MBP: variants seen among roughly 807,000 people sequenced by gnomAD.
The protein encoded by MBP is myelin basic protein, also known as Golli-MBP.
A neutral mutation model predicts 35.8 loss-of-function variants in MBP; 16 were observed. That is an observed-to-expected ratio of 0.45 (90% CI 0.30 to 0.68). The LOEUF (loss-of-function observed/expected upper bound fraction) is 0.68, where lower values mean the gene tolerates loss of function less well. MBP is among the 30% of genes least tolerant of loss of function. The pLI, the probability that MBP is intolerant of heterozygous loss-of-function variation, is 0.08. For missense variants in MBP, 380 were observed against 404.7 expected (o/e 0.94, Z 0.52); for synonymous variants, 143 against 159.6 (o/e 0.90, Z 0.78).
At position 77,105,129 on chromosome 18, in the gene MBP, C is replaced by G. The variant is rs561419994; in HGVS notation, c.51+82G>C. On this transcript the variant is annotated intron_variant, in intron 2 of 8. Coordinates refer to ENST00000355994, the MANE Select transcript of MBP (RefSeq NM_001025101.2). ...AAGAGTGTAGCAGCAAGAGCCCATG[C>G]CCGTAGCCTCTGACACACCAAGGGG... The G allele has an allele frequency of 1.1e-4, 148 of 1,323,878 alleles. 2 individuals carry two copies. The South Asian group carries it at 1.6e-3, about 15-fold the overall frequency. 82.0% of individuals were successfully genotyped at this position (1,323,878 alleles called of 1,614,324 possible).
chr18:77,105,060 T>C, intron 2 of MBP, 151 bp downstream of exon 2: 1 of 358,318 alleles, frequency 2.8e-6, no homozygotes, highest in Non-Finnish European at 5.3e-6. Flanking sequence ...AATTAATTAT[T>C]AATAATAATT....
chr18:77,071,276 G>T (rs1974436916), intron 2 of MBP, among the ~76,000 whole-genome samples: 1 of 152,178 alleles, frequency 6.6e-6, no homozygotes, highest in East Asian at 1.9e-4. Flanking sequence ...CCAGTTGTAT[G>T]TTAGACTCGG....
At chr18:77,070,698 G>A (rs1035276054) in intron 2 of MBP, among the ~76,000 whole-genome samples, 1 of 152,154 alleles carries the variant, frequency 6.6e-6, no homozygotes, top group Non-Finnish European at 1.5e-5. Flanking sequence ...GGCCCTGCAC[G>A]GGGCTCTGGG....
At chr18:76,986,647 C>G (rs890211658) in intron 7 of MBP, 2 of 985,436 alleles carry the variant, frequency 2.0e-6, no homozygotes, top group South Asian at 9.4e-5. Context: ...CAGCCAGCCT[C>G]GCTCTTGCGT....
chr18:77,022,590 T>C (rs575578536), intron 3 of MBP, among the ~76,000 whole-genome samples: 1 of 152,382 alleles, frequency 6.6e-6, no homozygotes, highest in African/African-American at 2.4e-5. Flanking sequence ...CAGAAATGAT[T>C]AGTCTGATTT....
chr18:77,033,634 T>C (rs1222166747), intron 3 of MBP, among the ~76,000 whole-genome samples: 1 of 151,536 alleles, frequency 6.6e-6, no homozygotes, highest in Non-Finnish European at 1.5e-5. Flanking sequence ...AGTCCACTCA[T>C]CTATTCGTCC....
At chr18:77,034,327 A>G (rs1972669626) in intron 3 of MBP, among the ~76,000 whole-genome samples, 1 of 152,116 alleles carries the variant, frequency 6.6e-6, no homozygotes, top group African/African-American at 2.4e-5. Context: ...TTCTACTGGC[A>G]ACTGGGTGAG....
rs1316805262 is a variant in MBP at position 77,131,707 on chromosome 18, C to T, written c.-26+873G>A. 6.6e-6 allele frequency: 1 copy of T among 151,966 alleles called. No individual in the cohort carries two copies. Among genetic ancestry groups the T allele is most frequent in the Non-Finnish European group, 1.5e-5 (1 of 68,040 alleles). The allele number at this position is 151,966 out of a possible 1,614,324, so 9.4% of individuals were successfully genotyped here. On this transcript the variant is annotated intron_variant, in intron 1 of 8. Transcript: ENST00000355994. The surrounding 1 kb of genome is among the most constrained non-coding windows in gnomAD (Gnocchi z 5.5). ...GGACACAAGGCGCTGCCCCCAGCAC[C>T]CCGGAAAATCTAGTGTGGCGGCAAA...
At chr18:76,995,982 A>G (rs1380312724) in intron 4 of MBP, among the ~76,000 whole-genome samples, 2 of 152,208 alleles carry the variant, frequency 1.3e-5, no homozygotes, top group African/African-American at 4.8e-5. Flanking sequence ...GGCTCTCAAG[A>G]CTCAACCAGA....
At chr18:77,068,484 C>T (rs556767813) in intron 2 of MBP, among the ~76,000 whole-genome samples, 5 of 152,226 alleles carry the variant, frequency 3.3e-5, no homozygotes, top group Non-Finnish European at 7.3e-5. Flanking sequence ...TTCTCTGTGT[C>T]TGCTTTCCTC....
chr18:77,055,282 AAG>A (rs917888761), intron 3 of MBP, among the ~76,000 whole-genome samples: 2 of 152,224 alleles, frequency 1.3e-5, no homozygotes, highest in African/African-American at 4.8e-5. Flanking sequence ...GAGCTGGTGC[AAG>A]AGTGTCCTGC....
At chr18:76,985,653 G>T (rs1004265152) in intron 7 of MBP, 5 of 1,059,684 alleles carry the variant, frequency 4.7e-6, no homozygotes, top group Non-Finnish European at 5.7e-6. Flanking sequence ...GGCAGCAGCG[G>T]GACAGCGTCT....
intron 3 of MBP, among the ~76,000 whole-genome samples, chr18:77,039,327 G>C (rs1972893225): frequency 6.6e-6 from 1 of 152,226 alleles, no homozygotes; most frequent in Non-Finnish European, 1.5e-5. Context: ...ATGGGATAGA[G>C]TGCTGACAGT....
intron 3 of MBP, among the ~76,000 whole-genome samples, chr18:77,041,059 T>A (rs1972970564): frequency 6.6e-6 from 1 of 152,076 alleles, no homozygotes; most frequent in African/African-American, 2.4e-5. Flanking sequence ...ATCCAGAATC[T>A]ACAATGAACT....
intron 8 of MBP, chr18:76,983,695 G>A (rs1969352182): frequency 6.6e-6 from 1 of 152,126 alleles, no homozygotes; most frequent in Admixed American, 6.5e-5. Context: ...TTAAGAGCAG[G>A]GGCTGTGCCC....
In MBP at chr18:76,979,934, C is replaced by CTACTT; in HGVS notation, c.*488_*492dup. 1 of 702,212 alleles carries CTACTT rather than the reference C, an allele frequency of 1.4e-6. No homozygotes were observed. Among genetic ancestry groups the CTACTT allele is most frequent in the Non-Finnish European group, 2.6e-6 (1 of 384,920 alleles). The allele number at this position is 702,212 out of a possible 1,614,324, so 43.5% of individuals were successfully genotyped here. ...CTAATCCTGTTAGGAAAAATGAAGT[C>CTACTT]TACTTTAGGAGGTGAGAGAAGGACA... is the stretch of plus-strand genomic sequence containing the variant. On this transcript the variant is annotated 3_prime_UTR_variant, in exon 9 of 9. Transcript: ENST00000355994.
chr18:77,117,777 TG>T (rs1236588124), intron 1 of MBP, among the ~76,000 whole-genome samples: 15 of 31,832 alleles, frequency 4.7e-4, no homozygotes, highest in South Asian at 8.8e-4. Flanking sequence ...TGGAGTGGGA[TG>T]GGGGTCAGTG....
At chr18:77,050,409 A>C (rs1322430516) in intron 3 of MBP, among the ~76,000 whole-genome samples, 1 of 152,150 alleles carries the variant, frequency 6.6e-6, no homozygotes, top group African/African-American at 2.4e-5. Flanking sequence ...ATGTTAGATT[A>C]TTTGCTTTTT....
At chr18:77,078,750 C>G (rs1974764004) in intron 2 of MBP, among the ~76,000 whole-genome samples, 1 of 152,244 alleles carries the variant, frequency 6.6e-6, no homozygotes, top group South Asian at 2.1e-4. Flanking sequence ...GTGCCCTGTG[C>G]TGGGGCTCTG....
Sources: allele counts gnomAD v4.1 joint callset (sites outside exome capture counted in the v4.1 genomes callset), GRCh38; gene constraint gnomAD v4.1.1; non-coding constraint Gnocchi (gnomAD v3.1); transcripts MANE v1.5; gene names NCBI Gene and HGNC (gene_info 2026-07-23, HGNC 2026-07-21).